Variants in SREK1IP1 observed in about 807,000 individuals in gnomAD.
SREK1IP1 encodes the protein SREK1 interacting protein 1, also known as protein SREK1IP1.
In SREK1IP1, 12 loss-of-function variants were observed where a neutral mutation model predicts 22.8. The ratio of observed to expected loss-of-function variants is 0.53; its 90% CI spans 0.34 to 0.85. The LOEUF (loss-of-function observed/expected upper bound fraction) is 0.85. Ranked by LOEUF, SREK1IP1 falls within the 40% of genes least tolerant of loss-of-function variation. The pLI is 0.02. For synonymous variants in SREK1IP1, 53 were observed against 52.7 expected (o/e 1.01, Z -0.02); for missense variants, 147 against 171.8 (o/e 0.86, Z 0.81).
intron 4 of SREK1IP1, among the ~76,000 whole-genome samples, chr5:64,725,268 T>C (rs749259515): frequency 2.0e-5 from 3 of 151,802 alleles, no homozygotes; most frequent in Non-Finnish European, 1.5e-5. Context: ...TCCTCTAATA[T>C]TCATAAAAAA....
At chr5:64,766,440 A>G (rs1242070434) in intron 1 of SREK1IP1, among the ~76,000 whole-genome samples, 2 of 152,150 alleles carry the variant, frequency 1.3e-5, no homozygotes, top group Non-Finnish European at 2.9e-5. Flanking sequence ...TGTATCTTCA[A>G]TTTATCCACT....
At chr5:64,730,186 T>C (rs979377630) in intron 3 of SREK1IP1, among the ~76,000 whole-genome samples, 1 of 152,070 alleles carries the variant, frequency 6.6e-6, no homozygotes, top group Non-Finnish European at 1.5e-5. Flanking sequence ...AGTAGGAATG[T>C]TGAAGAGAGG....
In SREK1IP1 at chr5:64,722,465, T is replaced by C. The variant is rs781399104; in HGVS notation, c.*1919A>G. On this transcript the variant is annotated 3_prime_UTR_variant, in exon 5 of 5. Coordinates refer to ENST00000513458, the MANE Select transcript of SREK1IP1 (RefSeq NM_173829.4). ...AGCATTTTCTAATTATTTTTTAATA[T>C]TTTATTTTACTGTTATTTTTTCAAG... 9 of 152,302 alleles carry C rather than the reference T, an allele frequency of 5.9e-5. No homozygotes were observed. Among genetic ancestry groups the C allele is most frequent in the Middle Eastern group, 3.4e-3 (1 of 294 alleles). 9.4% of individuals were successfully genotyped at this position (152,302 alleles called of 1,614,324 possible). A position where few individuals can be genotyped will look rare whatever the true frequency, so the allele number is the denominator to read the frequency against.
chr5:64,725,665 A>G (rs1742249566), intron 4 of SREK1IP1, among the ~76,000 whole-genome samples: 1 of 152,062 alleles, frequency 6.6e-6, no homozygotes, highest in East Asian at 1.9e-4. Flanking sequence ...TTAGACTTCC[A>G]ATCATCTGTT....
intron 1 of SREK1IP1, among the ~76,000 whole-genome samples, chr5:64,763,579 A>C (rs1051385440): frequency 2.0e-5 from 3 of 152,170 alleles, no homozygotes; most frequent in Non-Finnish European, 2.9e-5. Context: ...AGAGACAGAG[A>C]AATTTGTTTA....
At chr5:64,743,001 A>G (rs1161669090) in intron 2 of SREK1IP1, among the ~76,000 whole-genome samples, 1 of 152,102 alleles carries the variant, frequency 6.6e-6, no homozygotes, top group African/African-American at 2.4e-5. Flanking sequence ...TTTATTGTCA[A>G]TCTCTAAATT....
chr5:64,760,524 G>A (rs2112114972), intron 1 of SREK1IP1, among the ~76,000 whole-genome samples: 1 of 152,322 alleles, frequency 6.6e-6, no homozygotes, highest in East Asian at 1.9e-4. Flanking sequence ...GGATAGAAAA[G>A]CTACATGCAG....
intron 1 of SREK1IP1, among the ~76,000 whole-genome samples, chr5:64,765,677 T>G (rs1312397641): frequency 1.3e-5 from 2 of 152,206 alleles, no homozygotes; most frequent in East Asian, 3.8e-4. Context: ...ATGGCACAAT[T>G]TAACATTATT....
At chr5:64,761,919 G>A (rs1471599044) in intron 1 of SREK1IP1, among the ~76,000 whole-genome samples, 1 of 152,140 alleles carries the variant, frequency 6.6e-6, no homozygotes, top group East Asian at 1.9e-4. Flanking sequence ...CGAAGAAACA[G>A]AAAATATTGA....
At chr5:64,762,981 G>A (rs1742975616) in intron 1 of SREK1IP1, among the ~76,000 whole-genome samples, 1 of 152,224 alleles carries the variant, frequency 6.6e-6, no homozygotes, top group Admixed American at 6.5e-5. Flanking sequence ...GAACCCAGGA[G>A]GCGGAGGTTG....
rs967878781 is a variant in SREK1IP1 at position 64,718,756 on chromosome 5, C to T, written c.*5628G>A. ...AGATTTTTATTCATAAGTGTGTTTT[C>T]TATTATAACACAGACCTGGTTTTGT... On this transcript the variant is annotated 3_prime_UTR_variant, in exon 5 of 5. Coordinates refer to ENST00000513458, the MANE Select transcript of SREK1IP1 (RefSeq NM_173829.4). 4 of 151,726 alleles carry T rather than the reference C, an allele frequency of 2.6e-5. No homozygotes were observed. The highest frequency in any genetic ancestry group is 2.6e-4 in the Admixed American group (4 of 15,230). 9.4% of individuals were successfully genotyped at this position (151,726 alleles called of 1,614,324 possible).
At chr5:64,751,673 A>T (rs1333182481) in intron 2 of SREK1IP1, among the ~76,000 whole-genome samples, 1 of 152,208 alleles carries the variant, frequency 6.6e-6, no homozygotes, top group Non-Finnish European at 1.5e-5. Context: ...GTTGCTGACA[A>T]TAAAAAACAC....
chr5:64,740,077 T>G (rs1438504842), intron 3 of SREK1IP1, among the ~76,000 whole-genome samples: 1 of 152,124 alleles, frequency 6.6e-6, no homozygotes, highest in Non-Finnish European at 1.5e-5. Context: ...ATTTATGGCA[T>G]CACGTTTAAT....
intron 1 of SREK1IP1, among the ~76,000 whole-genome samples, chr5:64,760,014 C>T (rs1398635840): frequency 6.6e-6 from 1 of 152,278 alleles, no homozygotes; most frequent in East Asian, 1.9e-4. Context: ...TGCACAAATG[C>T]ATACTGACTT....
At chr5:64,739,490 C>T (rs1370819876) in intron 3 of SREK1IP1, among the ~76,000 whole-genome samples, 1 of 152,186 alleles carries the variant, frequency 6.6e-6, no homozygotes, top group Non-Finnish European at 1.5e-5. Flanking sequence ...CCCAAGGATA[C>T]TAATTATCAT....
chr5:64,761,125 T>C (rs777296356), intron 1 of SREK1IP1, among the ~76,000 whole-genome samples: 9 of 152,212 alleles, frequency 5.9e-5, no homozygotes, highest in Non-Finnish European at 1.2e-4. Flanking sequence ...GTCAGAGTCT[T>C]CATTCTTATA....
At chr5:64,725,640 T>C (rs751733751) in intron 4 of SREK1IP1, among the ~76,000 whole-genome samples, 66 of 152,268 alleles carry the variant, frequency 4.3e-4, no homozygotes, top group Admixed American at 9.8e-4. Flanking sequence ...TTTTCCTCCT[T>C]GTTTGTCTAC....
intron 3 of SREK1IP1, among the ~76,000 whole-genome samples, chr5:64,739,286 G>A (rs568600612): frequency 6.6e-6 from 1 of 152,218 alleles, no homozygotes; most frequent in South Asian, 2.1e-4. Context: ...CTTCCTCCCT[G>A]CTTTCAGCTA....
chr5:64,744,184 T>TG (rs1488568109), intron 2 of SREK1IP1, among the ~76,000 whole-genome samples: 2 of 152,012 alleles, frequency 1.3e-5, no homozygotes, highest in Non-Finnish European at 2.9e-5. Context: ...ACACTGTGCA[T>TG]GCTCACCTCC....
Sources: allele counts gnomAD v4.1 joint callset (sites outside exome capture counted in the v4.1 genomes callset), GRCh38; gene constraint gnomAD v4.1.1; transcripts MANE v1.5; gene names NCBI Gene and HGNC (gene_info 2026-07-23, HGNC 2026-07-21).